The following RBFOX1 variants were observed in gnomAD, a reference collection of about 807,000 sequenced individuals.
RBFOX1 encodes the protein RNA binding fox-1 homolog 1.
A neutral mutation model predicts 57.7 loss-of-function variants in RBFOX1; 8 were observed. That is an observed-to-expected ratio of 0.14 (90% CI 0.08 to 0.25). The LOEUF (loss-of-function observed/expected upper bound fraction) is 0.25. Among genes scored for constraint, RBFOX1 ranks in the 10% least tolerant of loss-of-function variants. The pLI is 1.00. For synonymous variants in RBFOX1, 326 were observed against 222.4 expected (o/e 1.47, Z -4.15); for missense variants, 611 against 548.5 (o/e 1.11, Z -1.14).
At chr16:6,752,863 G>C (rs919843954) in intron 3 of RBFOX1, among the ~76,000 whole-genome samples, 2 of 150,196 alleles carry the variant, frequency 1.3e-5, no homozygotes, top group African/African-American at 4.9e-5. Flanking sequence ...CAGCCTCTCT[G>C]CTCACATATT....
chr16:5,543,690 A>T (rs774174615), intron 2 of RBFOX1, among the ~76,000 whole-genome samples: 11 of 152,162 alleles, frequency 7.2e-5, no homozygotes, highest in African/African-American at 2.7e-4. Context: ...AAGAAACTCA[A>T]TGAACACACA....
intron 2 of RBFOX1, among the ~76,000 whole-genome samples, chr16:6,654,253 G>C (rs1467947112): frequency 6.6e-6 from 1 of 152,164 alleles, no homozygotes; most frequent in East Asian, 1.9e-4. Flanking sequence ...TTTTGAATGG[G>C]AGAGATATTA....
intron 3 of RBFOX1, among the ~76,000 whole-genome samples, chr16:6,767,993 T>C (rs1052477825): frequency 7.1e-6 from 1 of 140,000 alleles, no homozygotes; most frequent in Non-Finnish European, 1.6e-5. Context: ...GAAGAAATTA[T>C]GGAGAAAACT....
intron 1 of RBFOX1, among the ~76,000 whole-genome samples, chr16:5,374,610 T>C (rs1345710224): frequency 1.3e-5 from 2 of 151,966 alleles, no homozygotes; most frequent in Non-Finnish European, 2.9e-5. Context: ...GGTTGGGGGA[T>C]GAGCTTGGAC....
At chr16:7,590,043 A>G in intron 7 of RBFOX1, among the ~76,000 whole-genome samples, 1 of 151,692 alleles carries the variant, frequency 6.6e-6, no homozygotes, top group South Asian at 2.1e-4. Flanking sequence ...AGGTGGGAGT[A>G]TTGTATGAAG....
At chr16:7,213,604 G>T (rs12446246) in intron 4 of RBFOX1, among the ~76,000 whole-genome samples, 1 of 151,664 alleles carries the variant, frequency 6.6e-6, no homozygotes, top group Non-Finnish European at 1.5e-5. Flanking sequence ...CTTGGAGTAT[G>T]ATGGGAGCTT....
At chr16:5,700,478 GTCTT>G (rs1389809302) in intron 3 of RBFOX1, among the ~76,000 whole-genome samples, 6 of 152,100 alleles carry the variant, frequency 3.9e-5, no homozygotes, top group African/African-American at 1.4e-4. Context: ...AAGTCTACGT[GTCTT>G]TCTTTATAGG....
At chr16:5,623,359 T>G (rs546381239) in intron 3 of RBFOX1, among the ~76,000 whole-genome samples, 2 of 152,278 alleles carry the variant, frequency 1.3e-5, no homozygotes, top group African/African-American at 4.8e-5. Flanking sequence ...TCCTGGGCCC[T>G]TCCACAGTCA....
chr16:7,126,242 T>C, intron 4 of RBFOX1: 1 of 219,538 alleles, frequency 4.6e-6, no homozygotes, highest in Non-Finnish European at 9.1e-6. Flanking sequence ...AATTTCCATT[T>C]TATTTTTCTC....
chr16:6,807,452 G>T (rs1775637144), intron 3 of RBFOX1, among the ~76,000 whole-genome samples: 1 of 152,118 alleles, frequency 6.6e-6, no homozygotes. Context: ...GAGGAATGTT[G>T]GAGTAGCACA....
chr16:6,065,651 C>T (rs1003597234), intron 1 of RBFOX1, among the ~76,000 whole-genome samples: 4 of 152,176 alleles, frequency 2.6e-5, no homozygotes, highest in African/African-American at 4.8e-5. Context: ...CATTTCTCCT[C>T]GTCTTTGAGA....
At chr16:6,772,362 A>G (rs190360729) in intron 3 of RBFOX1, among the ~76,000 whole-genome samples, 97 of 152,282 alleles carry the variant, frequency 6.4e-4, no homozygotes, top group African/African-American at 2.1e-3. Flanking sequence ...TTATGCAGCA[A>G]TGCAGCTGTC....
intron 3 of RBFOX1, among the ~76,000 whole-genome samples, chr16:6,780,828 A>G (rs1274894224): frequency 1.3e-5 from 2 of 151,404 alleles, no homozygotes; most frequent in African/African-American, 4.9e-5. Context: ...GCTCATTTTT[A>G]TTTGGATTAT....
chr16:5,970,662 G>A (rs981798917), intron 4 of RBFOX1, among the ~76,000 whole-genome samples: 12 of 152,172 alleles, frequency 7.9e-5, no homozygotes, highest in African/African-American at 2.9e-4. Context: ...GAAAGAGGAA[G>A]CAGGACTTAG....
chr16:7,548,646 C>G (rs2085344422), intron 5 of RBFOX1, among the ~76,000 whole-genome samples: 1 of 152,174 alleles, frequency 6.6e-6, no homozygotes, highest in Non-Finnish European at 1.5e-5. Context: ...GGGGGGCAGT[C>G]AAACAAGTCC....
chr16:6,498,556 C>A (rs917746454), intron 2 of RBFOX1, among the ~76,000 whole-genome samples: 4 of 152,038 alleles, frequency 2.6e-5, no homozygotes, highest in Admixed American at 6.6e-5. Context: ...TCCTCTCCAA[C>A]GATTAGATTG....
chr16:6,889,986 T>C (rs1262513620), intron 3 of RBFOX1, among the ~76,000 whole-genome samples: 1 of 152,226 alleles, frequency 6.6e-6, no homozygotes. Flanking sequence ...ACCAATGTGT[T>C]TATATTTGTA....
In RBFOX1 at chr16:7,315,917, A is replaced by G. The variant is rs180988250; in HGVS notation, c.28-202230A>G. On this transcript the variant is annotated intron_variant, in intron 4 of 15. Transcript: ENST00000550418. ...TCTTTGATGGGTTACTAAACAATCTATTTTTCAAACCCCAAACAGAAGAAA... is the reference window on the plus strand; with the variant it reads ...TCTTTGATGGGTTACTAAACAATCTGTTTTTCAAACCCCAAACAGAAGAAA... Among the ~76,000 whole-genome samples, 533 of 152,208 alleles carry G rather than the reference A, an allele frequency of 3.5e-3. 1 individual carries two copies. The highest frequency in any genetic ancestry group is 6.2e-3 in the Non-Finnish European group (423 of 67,994).
chr16:7,409,757 C>T (rs1200019483), intron 4 of RBFOX1, among the ~76,000 whole-genome samples: 1 of 151,444 alleles, frequency 6.6e-6, no homozygotes, highest in Non-Finnish European at 1.5e-5. Flanking sequence ...GAAACTTCAA[C>T]ATGCTTCATT....
Sources: gnomAD v4.1 joint callset for allele counts (sites outside exome capture counted in the v4.1 genomes callset) on GRCh38, gnomAD v4.1.1 for gene constraint, MANE v1.5 for transcripts, NCBI Gene and HGNC (gene_info 2026-07-23, HGNC 2026-07-21) for gene names.